The following AMBRA1 variants were observed in gnomAD, a reference collection of about 807,000 sequenced individuals.
The protein encoded by AMBRA1 is autophagy and beclin 1 regulator 1, also known as activating molecule in BECN1-regulated autophagy protein 1.
A neutral mutation model predicts 125.4 loss-of-function variants in AMBRA1; 47 were observed. The ratio of observed to expected loss-of-function variants is 0.37; its 90% confidence interval spans 0.30 to 0.48. The LOEUF (loss-of-function observed/expected upper bound fraction) is 0.48, where lower values mean the gene tolerates loss of function less well. AMBRA1 is among the 20% of genes least tolerant of loss of function. The probability of loss-of-function intolerance (pLI) is 0.99; values close to 1 mark genes in which losing one functional copy is unlikely to be tolerated. For missense variants in AMBRA1, 1,331 were observed against 1,693.4 expected, an observed-to-expected ratio of 0.79 and a Z score of 3.76; for synonymous variants, 626 against 655.5, an observed-to-expected ratio of 0.95 and a Z score of 0.69.
At chr11:46,535,822 C>T (rs1952449546) in intron 7 of AMBRA1, among the ~76,000 whole-genome samples, 1 of 152,160 alleles carries the variant, frequency 6.6e-6, no homozygotes, top group Admixed American at 6.5e-5. Context: ...GATGCCAGTG[C>T]TCTCGAGGAA....
chr11:46,470,928 G>T (rs369971064), intron 11 of AMBRA1, among the ~76,000 whole-genome samples: 2 of 152,140 alleles, frequency 1.3e-5, no homozygotes, highest in African/African-American at 4.8e-5. Context: ...GGAGGAGAAA[G>T]AACTAATAAG....
intron 9 of AMBRA1, among the ~76,000 whole-genome samples, chr11:46,498,632 G>A (rs753230724): frequency 7.2e-5 from 11 of 152,240 alleles, no homozygotes; most frequent in Admixed American, 1.3e-4. Context: ...TAATTGCCTC[G>A]GAGAGAGGCT....
intron 1 of AMBRA1, among the ~76,000 whole-genome samples, chr11:46,581,262 C>G (rs1401589022): frequency 1.3e-5 from 2 of 151,870 alleles, no homozygotes; most frequent in African/African-American, 4.8e-5. Flanking sequence ...CACCTGAGGT[C>G]AGAAGTTCAA....
rs550256461 is a variant in AMBRA1 at position 46,549,224 on chromosome 11, T to C, written c.-120-724A>G. ...ACAAGTGTAATGATTAAAGAACAAATTGTGGTCTATACAATGGACTATGTA... is the reference window on the plus strand; with the variant it reads ...ACAAGTGTAATGATTAAAGAACAAACTGTGGTCTATACAATGGACTATGTA... On this transcript the variant is annotated intron_variant, in intron 1 of 17. Coordinates refer to ENST00000683756, the MANE Select transcript of AMBRA1 (RefSeq NM_001387011.1). 2.6e-5 allele frequency among the ~76,000 whole-genome samples: 4 copies of C among 152,320 alleles called. No individual in the cohort carries two copies. The South Asian group carries it at 8.3e-4, about 32-fold the overall frequency.
Position 46,480,813 on chromosome 11 carries a change from A to G in AMBRA1, c.2521+12795T>C, listed in dbSNP as rs561255318. 1.8e-4 allele frequency among the ~76,000 whole-genome samples: 27 copies of G among 152,336 alleles called. No individual in the cohort carries two copies. The East Asian group carries it at 5.2e-3, about 29-fold the overall frequency. The stretch of plus-strand genomic sequence containing the variant: ...TCAAGGAAGGACTACCTTTTGACAG[A>G]GCTAAAGCTGCTGATAGAAGAGGAA... On this transcript the variant is annotated intron_variant, in intron 11 of 17. Transcript: ENST00000683756.
chr11:46,457,554 G>A (rs903094145), intron 11 of AMBRA1, among the ~76,000 whole-genome samples: 14 of 152,154 alleles, frequency 9.2e-5, no homozygotes, highest in African/African-American at 3.1e-4. Context: ...GCTTTTTTGA[G>A]TAAGGTCAAA....
intron 11 of AMBRA1, among the ~76,000 whole-genome samples, chr11:46,466,359 A>G (rs1050751469): frequency 2.0e-4 from 29 of 147,258 alleles, no homozygotes; most frequent in Non-Finnish European, 3.9e-4. Context: ...AAAAAAAAAA[A>G]GGGCAATGTG....
At chr11:46,513,447 A>G (rs1951353695) in intron 7 of AMBRA1, among the ~76,000 whole-genome samples, 1 of 152,150 alleles carries the variant, frequency 6.6e-6, no homozygotes, top group Non-Finnish European at 1.5e-5. Flanking sequence ...TTTATTGAAC[A>G]CTTTTTTTGA....
chr11:46,542,360 T>C lies in AMBRA1; in HGVS notation c.1657A>G (p.Ser553Gly). 1 of 1,614,108 alleles carries C rather than the reference T, an allele frequency of 6.2e-7. No individual in the cohort carries two copies. The highest frequency in any genetic ancestry group is 2.2e-5 in the East Asian group (1 of 44,888). The change falls in exon 7 of 18, where the codon AGC (serine) becomes GGC (glycine). Residue 553 changes from serine to glycine, a missense_variant. Physicochemically the swap from Ser to Gly is moderately conservative, Grantham distance 56. Around this residue, in one of 4 missense-constraint regions of AMBRA1, gnomAD observed 689 missense variants for 776.5 expected, o/e 0.89. Coordinates refer to ENST00000683756, the MANE Select transcript of AMBRA1 (RefSeq NM_001387011.1). This position sits in a 1 kb window ranked among gnomAD's most constrained non-coding sequence, Gnocchi z 5.9. The stretch of plus-strand genomic sequence containing the variant: ...GACAGGTTGGAGTTGTTCTCACTGC[T>C]GTGTGGGGTGGGCTGGTGGGAAGGG... ...PGPSHQPTPH[S>G]SENNSNLSRG...
chr11:46,413,070 G>A lies in AMBRA1; in HGVS notation c.3117-2702C>T, dbSNP rs531810450. Reference sequence around the variant, plus strand: ...CAACAAACCATGTACTTCCTGACCCGGAACCTTCCTTCCTACCTCAGAAAA... The same window carrying A: ...CAACAAACCATGTACTTCCTGACCCAGAACCTTCCTTCCTACCTCAGAAAA... On this transcript the variant is annotated intron_variant, in intron 15 of 17. Coordinates refer to ENST00000683756, the MANE Select transcript of AMBRA1 (RefSeq NM_001387011.1). 3.9e-5 allele frequency among the ~76,000 whole-genome samples: 6 copies of A among 152,292 alleles called. No individual in the cohort carries two copies. The South Asian group carries it at 6.2e-4, about 16-fold the overall frequency.
intron 12 of AMBRA1, among the ~76,000 whole-genome samples, chr11:46,439,940 G>C (rs1314403891): frequency 6.6e-6 from 1 of 151,506 alleles, no homozygotes; most frequent in African/African-American, 2.4e-5. Flanking sequence ...TATCAGATTT[G>C]CAAATATCCA....
intron 11 of AMBRA1, among the ~76,000 whole-genome samples, chr11:46,462,032 A>G (rs1949111811): frequency 6.6e-6 from 1 of 152,154 alleles, no homozygotes; most frequent in African/African-American, 2.4e-5. Flanking sequence ...TTCATCCTTC[A>G]TAATTTTAAT....
chr11:46,583,074 G>C (rs1403271990), intron 1 of AMBRA1, among the ~76,000 whole-genome samples: 2 of 152,126 alleles, frequency 1.3e-5, no homozygotes, highest in South Asian at 4.1e-4. Flanking sequence ...CAAAGCTGGA[G>C]GCATCACGCT....
At chr11:46,402,108 C>T (rs1235825324) in intron 17 of AMBRA1, among the ~76,000 whole-genome samples, 2 of 152,228 alleles carry the variant, frequency 1.3e-5, no homozygotes, top group East Asian at 3.9e-4. Flanking sequence ...GATGCTCCTT[C>T]TCTGGGACCT....
rs1166819860 is a variant in AMBRA1 at position 46,532,831 on chromosome 11, G to C, written c.2072+9114C>G. 2.6e-5 allele frequency among the ~76,000 whole-genome samples: 4 copies of C among 152,318 alleles called. No homozygotes were observed. In the South Asian group the frequency reaches 6.2e-4, roughly 24 times the overall value. Reference sequence around the variant, plus strand: ...ATATATCTTACATTAGTAATAATGAGTAGCATACAATTAATTTTCATTTAC... The same window carrying C: ...ATATATCTTACATTAGTAATAATGACTAGCATACAATTAATTTTCATTTAC... On this transcript the variant is annotated intron_variant, in intron 7 of 17. Coordinates refer to ENST00000683756, the MANE Select transcript of AMBRA1 (RefSeq NM_001387011.1).
chr11:46,471,051 TTACTGAATC>T (rs1300283761), intron 11 of AMBRA1, among the ~76,000 whole-genome samples: 1 of 152,156 alleles, frequency 6.6e-6, no homozygotes, highest in African/African-American at 2.4e-5. Context: ...CTGAAAGAAT[TTACTGAATC>T]CCTATCTAAT....
At chr11:46,580,138 G>C (rs549736205) in intron 1 of AMBRA1, among the ~76,000 whole-genome samples, 1 of 152,160 alleles carries the variant, frequency 6.6e-6, no homozygotes, top group South Asian at 2.1e-4. Context: ...AATCATCAAT[G>C]ATCTCTGTGC....
intron 16 of AMBRA1, 79 bp downstream of exon 16, chr11:46,410,197 G>A (rs1469166337): frequency 2.0e-5 from 26 of 1,325,156 alleles, no homozygotes; most frequent in Non-Finnish European, 2.8e-5. Context: ...CCTAGAGGGC[G>A]CTGCTTAAGA....
At chr11:46,486,038 C>T (rs571821031) in intron 11 of AMBRA1, among the ~76,000 whole-genome samples, 3 of 152,312 alleles carry the variant, frequency 2.0e-5, no homozygotes, top group African/African-American at 7.2e-5. Flanking sequence ...CTCTGTTTCC[C>T]AGGCAACAAA....
Sources: allele counts gnomAD v4.1 joint callset (sites outside exome capture counted in the v4.1 genomes callset), GRCh38; gene constraint gnomAD v4.1.1; regional missense constraint gnomAD v4.1.1; non-coding constraint Gnocchi (gnomAD v3.1); transcripts MANE v1.5; gene names NCBI Gene and HGNC (gene_info 2026-07-23, HGNC 2026-07-21).